GRID2: variants seen among roughly 807,000 people sequenced by gnomAD.
The protein encoded by GRID2 is glutamate ionotropic receptor delta type subunit 2.
A neutral mutation model predicts 114.8 loss-of-function variants in GRID2; 33 were observed. That is an observed-to-expected ratio of 0.29 (90% confidence interval 0.22 to 0.38). GRID2 has a LOEUF of 0.38. Among genes scored for constraint, GRID2 ranks in the 10% least tolerant of loss-of-function variants. The pLI is 1.00. For missense variants in GRID2, 1,184 were observed against 1,257.7 expected, an observed-to-expected ratio of 0.94 and a Z score of 0.89; for synonymous variants, 505 against 449.9, an observed-to-expected ratio of 1.12 and a Z score of -1.55.
intron 8 of GRID2, among the ~76,000 whole-genome samples, chr4:93,296,455 A>G (rs1399745644): frequency 6.6e-6 from 1 of 152,152 alleles, no homozygotes; most frequent in Admixed American, 6.6e-5. Flanking sequence ...GCAAAGCCTA[A>G]CTGAAGTGGA....
At chr4:93,778,254 T>C (rs1734409109), downstream of GRID2, among the ~76,000 whole-genome samples, 1 of 152,160 alleles carries the variant, frequency 6.6e-6, no homozygotes, top group Non-Finnish European at 1.5e-5. Flanking sequence ...CAAAATTAGG[T>C]TGACTTTAAA....
intron 4 of GRID2, among the ~76,000 whole-genome samples, chr4:93,117,162 A>G (rs1459884845): frequency 1.3e-5 from 2 of 152,142 alleles, no homozygotes; most frequent in Admixed American, 6.6e-5. Flanking sequence ...TGGTAATTTG[A>G]TCATTTAGAT....
At chr4:92,749,424 T>C (rs1375046197) in intron 2 of GRID2, among the ~76,000 whole-genome samples, 9 of 149,096 alleles carry the variant, frequency 6.0e-5, no homozygotes, top group Non-Finnish European at 1.2e-4. Flanking sequence ...AAGCAATTCT[T>C]CTGCCTCAGC....
At chr4:92,602,689 G>A (rs1729274151) in intron 2 of GRID2, among the ~76,000 whole-genome samples, 1 of 152,158 alleles carries the variant, frequency 6.6e-6, no homozygotes, top group Non-Finnish European at 1.5e-5. Context: ...ACATAGTGTT[G>A]GAAGTTCTGG....
At chr4:92,586,794 G>T (rs912202627) in intron 1 of GRID2, among the ~76,000 whole-genome samples, 1 of 151,792 alleles carries the variant, frequency 6.6e-6, no homozygotes, top group Non-Finnish European at 1.5e-5. Flanking sequence ...AGCATTACAT[G>T]TAGTACAAAC....
intron 1 of GRID2, among the ~76,000 whole-genome samples, chr4:92,511,918 TTTTTA>T (rs1443796225): frequency 2.0e-5 from 3 of 151,880 alleles, no homozygotes; most frequent in African/African-American, 7.2e-5. Context: ...CTCTAGAGAC[TTTTTA>T]TTTTAATGAA....
chr4:92,623,641 C>G (rs1042488533), intron 2 of GRID2, among the ~76,000 whole-genome samples: 1 of 151,622 alleles, frequency 6.6e-6, no homozygotes, highest in East Asian at 1.9e-4. Flanking sequence ...GAAATTTATT[C>G]TGTTAATGTA....
At chr4:93,428,747 A>G (rs1269544023) in intron 10 of GRID2, among the ~76,000 whole-genome samples, 1 of 152,180 alleles carries the variant, frequency 6.6e-6, no homozygotes, top group Non-Finnish European at 1.5e-5. Flanking sequence ...ATTCTAACAG[A>G]TATATTTTTA....
chr4:92,713,414 A>G (rs1258599127), intron 2 of GRID2, among the ~76,000 whole-genome samples: 1 of 148,324 alleles, frequency 6.7e-6, no homozygotes, highest in East Asian at 2.0e-4. Flanking sequence ...TATATAACCA[A>G]GAATAAAATT....
chr4:93,430,576 C>T (rs1050400083), intron 10 of GRID2, among the ~76,000 whole-genome samples: 3 of 152,238 alleles, frequency 2.0e-5, no homozygotes, highest in African/African-American at 7.2e-5. Flanking sequence ...AAGACATAGA[C>T]ATTGATCATG....
chr4:93,264,734 T>TATATATATATATA (rs1750620596), intron 8 of GRID2, among the ~76,000 whole-genome samples: 2 of 91,008 alleles, frequency 2.2e-5, no homozygotes, highest in African/African-American at 9.6e-5. Flanking sequence ...ATCATTTGAA[T>TATATATATATATA]TATATATATA....
intron 1 of GRID2, among the ~76,000 whole-genome samples, chr4:93,803,578 C>T (rs1016681328): frequency 3.3e-5 from 5 of 151,966 alleles, no homozygotes; most frequent in African/African-American, 4.8e-5. Flanking sequence ...AAAAATTAGC[C>T]GGGCATGGTG....
At chr4:93,081,789 CATACT>C (rs1316745383) in intron 2 of GRID2, among the ~76,000 whole-genome samples, 1 of 152,134 alleles carries the variant, frequency 6.6e-6, no homozygotes, top group African/African-American at 2.4e-5. Flanking sequence ...ATTCAGTTCT[CATACT>C]ATATCAAATG....
chr4:92,764,980 C>A (rs966843066), intron 2 of GRID2, among the ~76,000 whole-genome samples: 3 of 151,970 alleles, frequency 2.0e-5, no homozygotes, highest in Non-Finnish European at 4.4e-5. Flanking sequence ...GTATAATGAC[C>A]ACCATAATAA....
chr4:93,011,578 T>C (rs773459005), intron 2 of GRID2, among the ~76,000 whole-genome samples: 22 of 152,214 alleles, frequency 1.4e-4, no homozygotes, highest in Admixed American at 2.6e-4. Flanking sequence ...ATTTCAGAGA[T>C]TGCAAGAATT....
intron 2 of GRID2, among the ~76,000 whole-genome samples, chr4:92,969,629 G>A (rs181327232): frequency 8.8e-4 from 133 of 151,678 alleles, no homozygotes; most frequent in Non-Finnish European, 1.5e-3. Flanking sequence ...ATGAGACTCA[G>A]ATTAAAGAAA....
At chr4:93,354,735 T>G (rs1368404839) in intron 8 of GRID2, among the ~76,000 whole-genome samples, 2 of 147,974 alleles carry the variant, frequency 1.4e-5, no homozygotes, top group Non-Finnish European at 3.0e-5. Flanking sequence ...GTATATGTAA[T>G]ATTTATGTAT....
intron 2 of GRID2, among the ~76,000 whole-genome samples, chr4:92,652,658 G>A (rs1731999704): frequency 1.3e-5 from 2 of 148,732 alleles, no homozygotes. Context: ...GAGTGACAGA[G>A]TGGAACACTG....
intron 1 of GRID2, among the ~76,000 whole-genome samples, chr4:93,784,391 A>G (rs2110353456): frequency 6.6e-6 from 1 of 152,180 alleles, no homozygotes. Context: ...TTCTGGCAGG[A>G]AGCACTAAGG....
Sources: gnomAD v4.1 joint callset for allele counts (sites outside exome capture counted in the v4.1 genomes callset) on GRCh38, gnomAD v4.1.1 for gene constraint, MANE v1.5 for transcripts, NCBI Gene and HGNC (gene_info 2026-07-23, HGNC 2026-07-21) for gene names.